RIMBP2: variants seen among roughly 807,000 people sequenced by gnomAD.
The protein encoded by RIMBP2 is RIMS binding protein 2, also known as RIMS-binding protein 2.
RIMBP2 carries 48 observed loss-of-function variants against 118.6 expected under a neutral mutation model. The ratio of observed to expected loss-of-function variants is 0.40; its 90% CI spans 0.32 to 0.51. RIMBP2 has a LOEUF of 0.51. RIMBP2 is among the 20% of genes least tolerant of loss of function. RIMBP2 has a pLI of 0.41. For synonymous variants in RIMBP2, 762 were observed against 742.9 expected, an observed-to-expected ratio of 1.03 and a Z score of -0.42; for missense variants, 1,551 against 1,768.3, an observed-to-expected ratio of 0.88 and a Z score of 2.20.
At position 130,716,254 on chromosome 12, in the gene RIMBP2, G is replaced by A. The variant is rs1162840439; in HGVS notation, c.-384C>T. 6.6e-6 allele frequency: 1 copy of A among 150,892 alleles called. No individual in the cohort carries two copies. The highest frequency in any genetic ancestry group is 1.5e-5 in the Non-Finnish European group (1 of 67,816). 9.3% of individuals were successfully genotyped at this position (150,892 alleles called of 1,614,324 possible). ...AGCGAGCTGTGCCAAGGCTCCGGAG[G>A]TTCACCTCGGAGACAACTGCAGTGT... On this transcript the variant is annotated 5_prime_UTR_variant, in exon 1 of 23. Coordinates refer to ENST00000690449, the MANE Select transcript of RIMBP2 (RefSeq NM_001393629.1).
At chr12:130,584,494 A>G (rs1442063475) in intron 2 of RIMBP2, among the ~76,000 whole-genome samples, 1 of 142,070 alleles carries the variant, frequency 7.0e-6, no homozygotes, top group Non-Finnish European at 1.5e-5. Context: ...CCACCATCAC[A>G]TCACCACCAT....
At chr12:130,707,112 G>A (rs1421953524) in intron 1 of RIMBP2, among the ~76,000 whole-genome samples, 6 of 152,240 alleles carry the variant, frequency 3.9e-5, no homozygotes, top group African/African-American at 1.4e-4. Flanking sequence ...AAGCAGGCCG[G>A]GGTATACACA....
intron 9 of RIMBP2, 34 bp from the exon 10 acceptor site, chr12:130,445,303 T>C (rs745994751): frequency 6.6e-6 from 10 of 1,512,660 alleles, no homozygotes; most frequent in Non-Finnish European, 9.1e-6. Context: ...CATTAGAGGC[T>C]CTGGAGGACA....
intron 1 of RIMBP2, among the ~76,000 whole-genome samples, chr12:130,632,232 C>A (rs78552218): frequency 0.011 from 1,661 of 152,322 alleles, 43 homozygotes; most frequent in African/African-American, 0.036. Flanking sequence ...GTCGTCATTG[C>A]TGACTACCTC....
chr12:130,682,742 G>A (rs751106117), intron 1 of RIMBP2, among the ~76,000 whole-genome samples: 9 of 152,212 alleles, frequency 5.9e-5, no homozygotes, highest in Non-Finnish European at 1.2e-4. Flanking sequence ...TTAGGAGGCA[G>A]CGCCCAATCT....
At chr12:130,486,511 A>T (rs1045917989) in intron 4 of RIMBP2, among the ~76,000 whole-genome samples, 6 of 134,110 alleles carry the variant, frequency 4.5e-5, no homozygotes, top group Non-Finnish European at 7.8e-5. Context: ...TTATCCCCAC[A>T]TGGATGTACA....
intron 6 of RIMBP2, among the ~76,000 whole-genome samples, chr12:130,461,081 T>A (rs967969298): frequency 1.3e-5 from 2 of 152,142 alleles, no homozygotes; most frequent in African/African-American, 4.8e-5. Context: ...ACCCAGCTAC[T>A]TCCTGCCAGG....
intron 6 of RIMBP2, among the ~76,000 whole-genome samples, chr12:130,458,608 C>G (rs1269494073): frequency 1.3e-5 from 2 of 152,236 alleles, no homozygotes; most frequent in South Asian, 2.1e-4. Context: ...AACGAACCCC[C>G]AGGCACCCAT....
At chr12:130,685,639 GT>G (rs1212685212) in intron 1 of RIMBP2, among the ~76,000 whole-genome samples, 2 of 152,138 alleles carry the variant, frequency 1.3e-5, no homozygotes, top group Admixed American at 1.3e-4. Context: ...CAATGCTGGA[GT>G]CACTGGGCCT....
intron 2 of RIMBP2, among the ~76,000 whole-genome samples, chr12:130,628,062 G>A (rs1221082001): frequency 6.6e-6 from 1 of 152,164 alleles, no homozygotes; most frequent in East Asian, 1.9e-4. Flanking sequence ...CCCCATCTGT[G>A]CTCCAGACAC....
chr12:130,599,619 AG>A (rs1250248349), intron 2 of RIMBP2, among the ~76,000 whole-genome samples: 1 of 152,258 alleles, frequency 6.6e-6, no homozygotes, highest in Non-Finnish European at 1.5e-5. Flanking sequence ...TGCAAGTGCT[AG>A]CAAGGATACA....
intron 5 of RIMBP2, among the ~76,000 whole-genome samples, 167 bp downstream of exon 5, chr12:130,478,745 C>T (rs1566110702): frequency 1.3e-5 from 2 of 152,216 alleles, no homozygotes; most frequent in Non-Finnish European, 2.9e-5. Flanking sequence ...ACTTAAGAAA[C>T]ACCACAGCAG....
chr12:130,714,781 A>C (rs1950211065), intron 1 of RIMBP2, among the ~76,000 whole-genome samples: 1 of 152,022 alleles, frequency 6.6e-6, no homozygotes, highest in Non-Finnish European at 1.5e-5. Context: ...GACCCTGCCC[A>C]TCCCACTGGG....
intron 5 of RIMBP2, among the ~76,000 whole-genome samples, chr12:130,476,921 A>C (rs1375837785): frequency 1.3e-5 from 2 of 152,152 alleles, no homozygotes; most frequent in African/African-American, 4.8e-5. Flanking sequence ...AGCTGGTCAC[A>C]AGTGCAGTGC....
chr12:130,554,606 GTTTA>G (rs1313663984), intron 2 of RIMBP2, among the ~76,000 whole-genome samples: 1 of 151,902 alleles, frequency 6.6e-6, no homozygotes, highest in Non-Finnish European at 1.5e-5. Context: ...ACTCCTAAAT[GTTTA>G]TTTAACAGAT....
intron 2 of RIMBP2, among the ~76,000 whole-genome samples, chr12:130,548,240 C>T (rs1447403647): frequency 2.6e-5 from 4 of 152,174 alleles, no homozygotes; most frequent in Admixed American, 2.0e-4. Context: ...CCAAAATACA[C>T]AGAGACAAAG....
At chr12:130,550,492 G>A (rs1008061640) in intron 2 of RIMBP2, among the ~76,000 whole-genome samples, 7 of 152,208 alleles carry the variant, frequency 4.6e-5, no homozygotes, top group Non-Finnish European at 7.3e-5. Flanking sequence ...TTGGGTGAAT[G>A]TTGGTGTCCA....
intron 2 of RIMBP2, among the ~76,000 whole-genome samples, chr12:130,560,301 T>C (rs530483684): frequency 6.6e-6 from 1 of 152,190 alleles, no homozygotes; most frequent in African/African-American, 2.4e-5. Flanking sequence ...GCAGATTTAA[T>C]TTGGGGGGAG....
chr12:130,565,980 T>C (rs2057186383), intron 2 of RIMBP2, among the ~76,000 whole-genome samples: 1 of 152,210 alleles, frequency 6.6e-6, no homozygotes, highest in Non-Finnish European at 1.5e-5. Context: ...TGCATTTTCT[T>C]CCTAGCAGGC....
Sources: allele counts gnomAD v4.1 joint callset (sites outside exome capture counted in the v4.1 genomes callset), GRCh38; gene constraint gnomAD v4.1.1; transcripts MANE v1.5; gene names NCBI Gene and HGNC (gene_info 2026-07-23, HGNC 2026-07-21).